Variants in SLC23A2 observed in about 807,000 individuals in gnomAD.
SLC23A2 encodes solute carrier family 23 member 2.
Under a neutral mutation model 73.3 loss-of-function variants are expected in SLC23A2, and 36 were observed. The observed-to-expected ratio is 0.49, with a 90% CI of 0.38 to 0.65. The LOEUF is 0.65. Ranked by LOEUF, SLC23A2 falls within the 30% of genes least tolerant of loss-of-function variation. The pLI is 0.00. For missense variants in SLC23A2, 507 were observed against 841.6 expected, an observed-to-expected ratio of 0.60 and a Z score of 4.92; for synonymous variants, 343 against 327.3, an observed-to-expected ratio of 1.05 and a Z score of -0.52.
chr20:4,870,577 A>C (rs6116561), intron 11 of SLC23A2, among the ~76,000 whole-genome samples: 7 of 103,978 alleles, frequency 6.7e-5, no homozygotes, highest in South Asian at 5.6e-4. Flanking sequence ...ACTCCATCTC[A>C]AAAAAAAAAA....
At chr20:4,869,597 T>G in intron 12 of SLC23A2, 30 of 280,536 alleles carry the variant, frequency 1.1e-4, no homozygotes, top group East Asian at 5.3e-4. Context: ...GTGCTTGGCA[T>G]GTGGTTTTTG....
intron 2 of SLC23A2, among the ~76,000 whole-genome samples, chr20:4,955,515 G>A (rs751894526): frequency 9.9e-5 from 15 of 152,052 alleles, no homozygotes. Flanking sequence ...TAGGTTGGGT[G>A]CGATGGCTCA....
chr20:4,979,080 G>A (rs2087687481), intron 1 of SLC23A2, among the ~76,000 whole-genome samples: 1 of 152,106 alleles, frequency 6.6e-6, no homozygotes, highest in African/African-American at 2.4e-5. Context: ...AGATCACAAG[G>A]TCAGGAGTTC....
chr20:4,898,616 G>A (rs879544701), intron 6 of SLC23A2, among the ~76,000 whole-genome samples: 4 of 152,184 alleles, frequency 2.6e-5, no homozygotes, highest in Admixed American at 1.3e-4. Flanking sequence ...GCTGCACTGC[G>A]AAGAGGGGAG....
At chr20:4,980,854 C>T (rs2087716277) in intron 1 of SLC23A2, among the ~76,000 whole-genome samples, 1 of 152,054 alleles carries the variant, frequency 6.6e-6, no homozygotes, top group African/African-American at 2.4e-5. Flanking sequence ...CAAATATAAC[C>T]AGATAAAAGA....
At chr20:4,887,774 G>A (rs188782483) in intron 6 of SLC23A2, among the ~76,000 whole-genome samples, 35 of 152,262 alleles carry the variant, frequency 2.3e-4, no homozygotes, top group East Asian at 1.9e-4. Context: ...ATGTGTTCAC[G>A]TCTAGCCAGG....
At chr20:4,858,593 A>T (rs1929830781) in intron 16 of SLC23A2, among the ~76,000 whole-genome samples, 1 of 152,096 alleles carries the variant, frequency 6.6e-6, no homozygotes, top group Non-Finnish European at 1.5e-5. Context: ...TTTGAGCCTA[A>T]GAATAAGTAT....
rs867896096 is a variant in SLC23A2 at position 4,923,228 on chromosome 20, G to A, written c.108+9227C>T. On this transcript the variant is annotated intron_variant, in intron 3 of 16. Transcript: ENST00000338244. ...TCGAGACCAGCCTGGGCAATGTAGCGAGACCCCATCTTGAAGGGAGGGAGG... is the reference window on the plus strand; with the variant it reads ...TCGAGACCAGCCTGGGCAATGTAGCAAGACCCCATCTTGAAGGGAGGGAGG... 5.8e-4 allele frequency among the ~76,000 whole-genome samples: 76 copies of A among 131,042 alleles called. No homozygotes were observed. The Middle Eastern group carries it at 0.017, about 28-fold the overall frequency. 86.0% of individuals were successfully genotyped at this position (131,042 alleles called of 152,430 possible).
intron 2 of SLC23A2, among the ~76,000 whole-genome samples, chr20:4,933,610 T>C (rs1046303903): frequency 6.0e-5 from 9 of 151,120 alleles, no homozygotes; most frequent in African/African-American, 1.9e-4. Flanking sequence ...GCCCGGATGA[T>C]AGAGTAAGTG....
rs1039865679 is a variant in SLC23A2 at position 4,979,522 on chromosome 20, T to C, written c.-281-8603A>G. Among the ~76,000 whole-genome samples, 7 of 151,512 alleles carry C rather than the reference T, an allele frequency of 4.6e-5. No individual in the cohort carries two copies. In the East Asian group the frequency reaches 7.7e-4, roughly 17 times the overall value. ...GAGTTCAAGACCAGCCTGGACAACA[T>C]AGAAAGACCCTGTCTCTACAAAAAA... On this transcript the variant is annotated intron_variant, in intron 1 of 16. Coordinates refer to ENST00000338244, the MANE Select transcript of SLC23A2 (RefSeq NM_005116.6).
chr20:4,919,961 A>G (rs1932448811), intron 3 of SLC23A2, among the ~76,000 whole-genome samples: 1 of 152,192 alleles, frequency 6.6e-6, no homozygotes, highest in Admixed American at 6.5e-5. Flanking sequence ...GAAGATATAC[A>G]TTAAAACTAT....
intron 3 of SLC23A2, among the ~76,000 whole-genome samples, chr20:4,925,315 C>A (rs1199022366): frequency 6.6e-6 from 1 of 152,090 alleles, no homozygotes; most frequent in African/African-American, 2.4e-5. Context: ...GCTTGCAGGT[C>A]CTGTATGATC....
intron 2 of SLC23A2, among the ~76,000 whole-genome samples, chr20:4,964,200 G>A (rs2087437349): frequency 6.6e-6 from 1 of 151,880 alleles, no homozygotes; most frequent in South Asian, 2.1e-4. Context: ...TCCCCACGTT[G>A]CCCTGGCTGG....
At chr20:4,965,166 G>C (rs2087456007) in intron 2 of SLC23A2, among the ~76,000 whole-genome samples, 1 of 152,136 alleles carries the variant, frequency 6.6e-6, no homozygotes, top group South Asian at 2.1e-4. Flanking sequence ...CTCCCGGAGA[G>C]AGCGCTGGGA....
intron 2 of SLC23A2, among the ~76,000 whole-genome samples, chr20:4,950,273 C>CT (rs1345795049): frequency 1.3e-5 from 2 of 152,218 alleles, no homozygotes; most frequent in Non-Finnish European, 2.9e-5. Flanking sequence ...ACCCATGCTG[C>CT]TTCCAGCTCA....
intron 4 of SLC23A2, among the ~76,000 whole-genome samples, chr20:4,907,318 C>T (rs1032703089): frequency 3.9e-5 from 6 of 152,040 alleles, no homozygotes; most frequent in African/African-American, 1.4e-4. Flanking sequence ...CGGCTTTCCA[C>T]CTGGTCACTC....
chr20:5,002,976 A>G (rs1195473492), upstream of SLC23A2, among the ~76,000 whole-genome samples: 1 of 152,234 alleles, frequency 6.6e-6, no homozygotes, highest in African/African-American at 2.4e-5. Flanking sequence ...TGTCTCAGAT[A>G]TTTGAAGTTC....
chr20:4,978,965 C>T (rs1021624690), intron 1 of SLC23A2, among the ~76,000 whole-genome samples: 3 of 152,094 alleles, frequency 2.0e-5, no homozygotes, highest in African/African-American at 7.2e-5. Context: ...CAATTTAATA[C>T]TACTAGAGCA....
intron 13 of SLC23A2, 104 bp downstream of exon 13, chr20:4,867,666 T>TAAAAAAAA: frequency 1.9e-6 from 1 of 519,454 alleles, no homozygotes; most frequent in Non-Finnish European, 3.3e-6. Context: ...AGTAATTTTT[T>TAAAAAAAA]AGAACCAGAG....
Sources: allele counts gnomAD v4.1 joint callset (sites outside exome capture counted in the v4.1 genomes callset), GRCh38; gene constraint gnomAD v4.1.1; transcripts MANE v1.5; gene names NCBI Gene and HGNC (gene_info 2026-07-23, HGNC 2026-07-21).